Variants in LRRC2 observed in about 807,000 individuals in gnomAD.
LRRC2 encodes leucine rich repeat containing 2, also known as leucine-rich repeat-containing protein 2.
In LRRC2, 27 loss-of-function variants were observed where a neutral mutation model predicts 40.2. That is an observed-to-expected ratio of 0.67 (90% CI 0.49 to 0.93). The LOEUF (loss-of-function observed/expected upper bound fraction) is 0.93, where lower values mean the gene tolerates loss of function less well. Among genes scored for constraint, LRRC2 ranks in the 40% least tolerant of loss-of-function variants. The probability of loss-of-function intolerance (pLI) is 0.00; values close to 1 mark genes in which losing one functional copy is unlikely to be tolerated. For missense variants in LRRC2, 402 were observed against 439.6 expected, an observed-to-expected ratio of 0.91 and a Z score of 0.76; for synonymous variants, 147 against 158.9, an observed-to-expected ratio of 0.92 and a Z score of 0.56.
intron 2 of LRRC2, among the ~76,000 whole-genome samples, chr3:46,549,953 C>T (rs1056887786): frequency 6.7e-6 from 1 of 149,158 alleles, no homozygotes. Flanking sequence ...CTCTTGGATG[C>T]GTTGCCATGT....
Position 46,521,674 on chromosome 3 carries a change from T to A in LRRC2, c.930-16A>T. 1 of 1,603,106 alleles carries A rather than the reference T, an allele frequency of 6.2e-7. No homozygotes were observed. The highest frequency in any genetic ancestry group is 8.5e-7 in the Non-Finnish European group (1 of 1,176,796). On this transcript the variant is annotated splice_polypyrimidine_tract_variant and intron_variant, in intron 7 of 8. Coordinates refer to ENST00000395905, the MANE Select transcript of LRRC2 (RefSeq NM_024512.5). ...GCTTACAAATCTATTCGAGAAAGCA[T>A]GGGAAGTATCACATTATCACCTGTG... is the stretch of plus-strand genomic sequence containing the variant.
At chr3:46,542,435 T>C (rs1161176333) in intron 3 of LRRC2, among the ~76,000 whole-genome samples, 3 of 150,186 alleles carry the variant, frequency 2.0e-5, no homozygotes, top group African/African-American at 4.9e-5. Context: ...AGATAGAGGC[T>C]ACAGTGAGCC....
At chr3:46,534,470 T>C (rs1047938597) in intron 4 of LRRC2, among the ~76,000 whole-genome samples, 10 of 147,804 alleles carry the variant, frequency 6.8e-5, no homozygotes, top group African/African-American at 2.6e-4. Flanking sequence ...CTTTCTTTCT[T>C]TGTTTCTTTC....
chr3:46,554,332 T>G (rs186209194), intron 1 of LRRC2, among the ~76,000 whole-genome samples: 1 of 142,044 alleles, frequency 7.0e-6, no homozygotes, highest in African/African-American at 2.6e-5. Flanking sequence ...GAGACTGCCT[T>G]TGCCTCCTTT....
chr3:46,525,105 T>A (rs1575344710), intron 7 of LRRC2, among the ~76,000 whole-genome samples: 1 of 126,328 alleles, frequency 7.9e-6, no homozygotes. Flanking sequence ...TTTTTTTTTT[T>A]AGATAGAGTC....
intron 4 of LRRC2, among the ~76,000 whole-genome samples, chr3:46,536,671 A>G (rs1344795879): frequency 1.3e-5 from 2 of 152,118 alleles, no homozygotes; most frequent in East Asian, 1.9e-4. Flanking sequence ...AGAGATTCCT[A>G]TGGAATTGGT....
intron 7 of LRRC2, among the ~76,000 whole-genome samples, chr3:46,526,039 G>A (rs1465745197): frequency 6.6e-6 from 1 of 151,260 alleles, no homozygotes; most frequent in Non-Finnish European, 1.5e-5. Flanking sequence ...TGCAAATTCC[G>A]CCTCCCGGTT....
chr3:46,562,571 A>G lies in LRRC2; in HGVS notation c.-20+3606T>C, dbSNP rs573111808. On this transcript the variant is annotated intron_variant, in intron 1 of 8. Coordinates refer to ENST00000395905, the MANE Select transcript of LRRC2 (RefSeq NM_024512.5). ...CTGGTGCCATCTGGTGTGCATGTTC[A>G]GCTGCCTCCTTGAATATGCACTTGG... is the stretch of plus-strand genomic sequence containing the variant. 9.3e-4 allele frequency among the ~76,000 whole-genome samples: 141 copies of G among 152,210 alleles called. 1 individual carries two copies. Among genetic ancestry groups the G allele is most frequent in the Non-Finnish European group, 8.7e-4 (59 of 68,034 alleles).
intron 4 of LRRC2, among the ~76,000 whole-genome samples, chr3:46,535,945 G>A (rs559841484): frequency 8.6e-4 from 131 of 152,224 alleles, no homozygotes; most frequent in African/African-American, 3.1e-3. Context: ...TTACAGATGA[G>A]GAAACTGAAA....
chr3:46,522,851 T>A (rs1029633707), intron 7 of LRRC2, among the ~76,000 whole-genome samples: 4 of 151,784 alleles, frequency 2.6e-5, no homozygotes, highest in Admixed American at 2.6e-4. Flanking sequence ...ATCTTCTGTC[T>A]TCACAATTTT....
chr3:46,525,456 A>G (rs781427564), intron 7 of LRRC2, among the ~76,000 whole-genome samples: 2 of 151,750 alleles, frequency 1.3e-5, no homozygotes, highest in African/African-American at 2.4e-5. Flanking sequence ...TCGCTATGTT[A>G]CCCACACCGA....
rs9825292 is a variant in LRRC2, at chr3:46,543,524, G to A, written c.333+1522C>T. ...CCAGCTACTCGGGAGGCTGAGGCAG[G>A]AGAATGGCGTGAACCCGGGAGGCGG... is the stretch of plus-strand genomic sequence containing the variant. On this transcript the variant is annotated intron_variant, in intron 3 of 8. Transcript: ENST00000395905. 5.7e-3 allele frequency among the ~76,000 whole-genome samples: 869 copies of A among 152,096 alleles called. 7 individuals carry two copies. The highest frequency in any genetic ancestry group is 0.02 in the African/African-American group (813 of 41,476).
At chr3:46,557,303 C>T (rs975882015) in intron 1 of LRRC2, 8 of 152,446 alleles carry the variant, frequency 5.2e-5, no homozygotes, top group African/African-American at 1.7e-4. Flanking sequence ...TTGCGACCCC[C>T]ACTCCTGCCT....
intron 2 of LRRC2, chr3:46,551,237 G>T: frequency 2.8e-6 from 1 of 361,792 alleles, no homozygotes; most frequent in Non-Finnish European, 4.9e-6. Context: ...GGTCTTCCTC[G>T]TGCCTACCAC....
chr3:46,543,894 T>G (rs2107022264), intron 3 of LRRC2, among the ~76,000 whole-genome samples: 1 of 152,178 alleles, frequency 6.6e-6, no homozygotes, highest in Middle Eastern at 3.4e-3. Flanking sequence ...TAAAGAGGTT[T>G]ACAGTAATAA....
At chr3:46,548,791 G>A (rs919602811) in intron 2 of LRRC2, among the ~76,000 whole-genome samples, 2 of 152,154 alleles carry the variant, frequency 1.3e-5, no homozygotes, top group African/African-American at 4.8e-5. Flanking sequence ...ATGAGGGGTT[G>A]GGGGGATGGT....
chr3:46,536,997 C>A (rs903077454), intron 4 of LRRC2, among the ~76,000 whole-genome samples: 11 of 152,162 alleles, frequency 7.2e-5, no homozygotes, highest in African/African-American at 2.4e-4. Flanking sequence ...GCTTAATACC[C>A]CATCTATCTT....
intron 1 of LRRC2, among the ~76,000 whole-genome samples, chr3:46,564,980 T>C (rs1282126654): frequency 1.3e-5 from 2 of 152,228 alleles, no homozygotes; most frequent in Non-Finnish European, 2.9e-5. Flanking sequence ...GGCCACTGCC[T>C]GGACACCAGC....
At chr3:46,535,110 C>A (rs1219122941) in intron 4 of LRRC2, among the ~76,000 whole-genome samples, 1 of 152,166 alleles carries the variant, frequency 6.6e-6, no homozygotes. Flanking sequence ...AGGATTTGCT[C>A]AAAATACTCC....
Sources: gnomAD v4.1 joint callset for allele counts (sites outside exome capture counted in the v4.1 genomes callset) on GRCh38, gnomAD v4.1.1 for gene constraint, MANE v1.5 for transcripts, NCBI Gene and HGNC (gene_info 2026-07-23, HGNC 2026-07-21) for gene names.